BAHCC1: variants seen among roughly 807,000 people sequenced by gnomAD.
The protein encoded by BAHCC1 is BAH domain and coiled-coil containing 1.
BAHCC1 carries 43 observed loss-of-function variants against 88.2 expected under a neutral mutation model. That is an observed-to-expected ratio of 0.49 (90% confidence interval 0.38 to 0.63). The LOEUF is 0.63. BAHCC1 is among the 20% of genes least tolerant of loss of function. The probability of loss-of-function intolerance (pLI) is 0.00; values close to 1 mark genes in which losing one functional copy is unlikely to be tolerated. For synonymous variants in BAHCC1, 1,510 were observed against 745.5 expected (o/e 2.03, Z -16.71); for missense variants, 3,023 against 1,654.8 (o/e 1.83, Z -14.34).
rs1598522351 is a variant in BAHCC1, at chr17:81,464,819, C to T, written c.*1002C>T. Reference sequence around the variant, plus strand: ...GAGCAGGGAGGGGCTGGCCCCTCGCCCCCCTCACCCTCGCCGCCCTGGCAC... The same window carrying T: ...GAGCAGGGAGGGGCTGGCCCCTCGCTCCCCTCACCCTCGCCGCCCTGGCAC... On this transcript the variant is annotated 3_prime_UTR_variant, in exon 28 of 28. Coordinates refer to ENST00000675386, the MANE Select transcript of BAHCC1 (RefSeq NM_001377448.1). 1 of 152,524 alleles carries T rather than the reference C, an allele frequency of 6.6e-6. No homozygotes were observed. The highest frequency in any genetic ancestry group is 6.5e-5 in the Admixed American group (1 of 15,304). The allele number at this position is 152,524 out of a possible 1,614,324, so 9.4% of individuals were successfully genotyped here.
At position 81,411,266 on chromosome 17, in the gene BAHCC1, G is replaced by A. The variant is rs1454630550; in HGVS notation, c.178+11349G>A. The A allele has an allele frequency of 4.2e-5, 20 of 477,400 alleles. No homozygotes were observed. Among genetic ancestry groups the A allele is most frequent in the Non-Finnish European group, 6.3e-5 (15 of 239,668 alleles). The allele number at this position is 477,400 out of a possible 1,614,324, so 29.6% of individuals were successfully genotyped here. ...CCCCAGTTGAGCAGCTCCCCTTCTC[G>A]GCAGCTCCCAAACCCTGACCCCAGA... is the stretch of plus-strand genomic sequence containing the variant. On this transcript the variant is annotated intron_variant, in intron 2 of 27. Transcript: ENST00000675386. The surrounding 1 kb of genome is among the most constrained non-coding windows in gnomAD (Gnocchi z 6.2).
intron 11 of BAHCC1, among the ~76,000 whole-genome samples, chr17:81,450,564 T>C (rs2064614005): frequency 6.6e-6 from 1 of 152,128 alleles, no homozygotes; most frequent in African/African-American, 2.4e-5. Context: ...CCTCCTGACC[T>C]GTGTTCAGCC....
At chr17:81,454,133 G>A (rs1416033816) in intron 14 of BAHCC1, among the ~76,000 whole-genome samples, 1 of 152,196 alleles carries the variant, frequency 6.6e-6, no homozygotes, top group Non-Finnish European at 1.5e-5. Flanking sequence ...CCCCTGTCTA[G>A]CCAAGAACAG....
At chr17:81,438,693 G>T (rs1300072272) in intron 4 of BAHCC1, among the ~76,000 whole-genome samples, 2 of 152,138 alleles carry the variant, frequency 1.3e-5, no homozygotes, top group African/African-American at 4.8e-5. Flanking sequence ...ACCCCCAGGC[G>T]CAGGTTCAGT....
intron 2 of BAHCC1, chr17:81,413,098 C>T (rs1181527262): frequency 4.5e-6 from 2 of 445,548 alleles, no homozygotes; most frequent in Non-Finnish European, 9.0e-6. Context: ...ACACCAGGGT[C>T]CAGGGTTATC....
In BAHCC1 at chr17:81,452,838, G is replaced by A. The variant is rs782036680; in HGVS notation, c.4432G>A (p.Gly1478Ser). 1 of 745,956 alleles carries A rather than the reference G, an allele frequency of 1.3e-6. No homozygotes were observed. Among genetic ancestry groups the A allele is most frequent in the Non-Finnish European group, 2.5e-6 (1 of 404,358 alleles). 46.2% of individuals were successfully genotyped at this position (745,956 alleles called of 1,614,324 possible). A position where few individuals can be genotyped will look rare whatever the true frequency, so the allele number is the denominator to read the frequency against. The part of the protein sequence containing the change: ...RPTGPLPRSD[G>S]KKVKAVRTSL... ...CACGGGGCCGCTCCCCAGGAGCGAT[G>A]GCAAGAAAGTCAAGTGAGTCCTGGG... is the stretch of plus-strand genomic sequence containing the variant. Residue 1478 changes from glycine to serine, a missense_variant, in exon 14 of 28, where the codon GGC becomes AGC. Coordinates refer to ENST00000675386, the MANE Select transcript of BAHCC1 (RefSeq NM_001377448.1).
At chr17:81,449,647 G>T (rs553242623) in intron 11 of BAHCC1, among the ~76,000 whole-genome samples, 1 of 151,994 alleles carries the variant, frequency 6.6e-6, no homozygotes, top group African/African-American at 2.4e-5. Flanking sequence ...GTGCCTCCCC[G>T]GCTGCTGATG....
chr17:81,441,593 T>C (rs1181064457), intron 4 of BAHCC1, among the ~76,000 whole-genome samples: 10 of 128,578 alleles, frequency 7.8e-5, no homozygotes, highest in Non-Finnish European at 1.2e-4. Flanking sequence ...ACCCGGGAGG[T>C]GGAGCTTGCA....
intron 2 of BAHCC1, among the ~76,000 whole-genome samples, chr17:81,418,546 G>A (rs1052047582): frequency 6.6e-6 from 1 of 152,110 alleles, no homozygotes; most frequent in Non-Finnish European, 1.5e-5. Context: ...GACATGCCCC[G>A]ACCCAGGGCA....
In BAHCC1 at chr17:81,399,674, A is replaced by G. The variant is rs1297667068; in HGVS notation, c.-66A>G. 131 of 956,486 alleles carry G rather than the reference A, an allele frequency of 1.4e-4. 1 individual carries two copies. The African/African-American group carries it at 1.8e-3, about 13-fold the overall frequency. The allele number at this position is 956,486 out of a possible 1,614,324, so 59.2% of individuals were successfully genotyped here. On this transcript the variant is annotated 5_prime_UTR_variant, in exon 2 of 28. Transcript: ENST00000675386. This position sits in a 1 kb window ranked among gnomAD's most constrained non-coding sequence, Gnocchi z 4.5. ...CCGCCTCTGCGCCGCCCGCGCGCCG[A>G]GCCGCCCCCGGGCCCCGGCCGCGCT... is the stretch of plus-strand genomic sequence containing the variant.
chr17:81,441,688 AAAG>A (rs1555652538), intron 4 of BAHCC1, 140 bp from the exon 5 acceptor site: 27 of 431,298 alleles, frequency 6.3e-5, no homozygotes, highest in African/African-American at 4.3e-4. Context: ...AAAAAAAAAA[AAAG>A]AGCAAAAACC....
At chr17:81,423,179 C>T (rs371152007) in intron 2 of BAHCC1, among the ~76,000 whole-genome samples, 1 of 152,090 alleles carries the variant, frequency 6.6e-6, no homozygotes, top group South Asian at 2.1e-4. Flanking sequence ...TCACAGCCCA[C>T]GTCCCCCACC....
At chr17:81,441,676 AAAAAAAAAAAAAAAG>A (rs1339628759) in intron 4 of BAHCC1, among the ~76,000 whole-genome samples, 140 bp from the exon 5 acceptor site, 1 of 151,714 alleles carries the variant, frequency 6.6e-6, no homozygotes, top group African/African-American at 2.4e-5. Flanking sequence ...CTCAAAAAAA[AAAAAAAAAAAAAAAG>A]AGCAAAAACC....
intron 19 of BAHCC1, 25 bp from the exon 20 acceptor site, chr17:81,458,777 TGCACCCCACCC>T (rs2029968235): frequency 1.3e-6 from 1 of 757,546 alleles, no homozygotes; most frequent in Non-Finnish European, 2.5e-6. Context: ...GCACCCCGCC[TGCACCCCACCC>T]AAGCCTGACT....
rs77778439 is a variant in BAHCC1 at position 81,453,079 on chromosome 17, C to T, written c.4445+228C>T. Among the ~76,000 whole-genome samples the T allele has an allele frequency of 2.6e-3, 396 of 152,310 alleles. 2 individuals are homozygous for T. The highest frequency in any genetic ancestry group is 8.8e-3 in the African/African-American group (364 of 41,566). On this transcript the variant is annotated intron_variant, in intron 14 of 27. Coordinates refer to ENST00000675386, the MANE Select transcript of BAHCC1 (RefSeq NM_001377448.1). ...GGCAGCTCCCAGCACCACCCTGGCC[C>T]GGGTCCCCCTCTGGAAGTCACGGCC...
intron 4 of BAHCC1, among the ~76,000 whole-genome samples, chr17:81,440,204 G>A (rs2064391977): frequency 6.6e-6 from 1 of 152,214 alleles, no homozygotes; most frequent in South Asian, 2.1e-4. Flanking sequence ...GTCAGCCCCA[G>A]CGCGTGCAGT....
Position 81,463,643 on chromosome 17 carries a change from G to A in BAHCC1, c.7653G>A (p.Glu2551=). 2.6e-6 allele frequency: 2 copies of A among 779,724 alleles called. No homozygotes were observed. Among genetic ancestry groups the A allele is most frequent in the Non-Finnish European group, 4.8e-6 (2 of 417,902 alleles). 48.3% of individuals were successfully genotyped at this position (779,724 alleles called of 1,614,324 possible). The part of the protein sequence containing the change: ...NALYQSCHED[E]NDVQTISHKC... ...TGTACCAGTCCTGCCACGAGGATGA[G>A]AACGACGTGCAGACCATCTCCCACA... Residue 2551 remains glutamate, a synonymous_variant, in exon 28 of 28, where the codon GAG becomes GAA. Transcript: ENST00000675386.
intron 2 of BAHCC1, among the ~76,000 whole-genome samples, chr17:81,400,288 C>T (rs546965527): frequency 6.6e-6 from 1 of 152,336 alleles, no homozygotes; most frequent in South Asian, 2.1e-4. Flanking sequence ...GCTGGGACAA[C>T]GAGGCGCTTT....
chr17:81,419,772 C>A (rs1445112277), intron 2 of BAHCC1, among the ~76,000 whole-genome samples: 2 of 149,818 alleles, frequency 1.3e-5, no homozygotes, highest in African/African-American at 4.9e-5. Flanking sequence ...CTGGAGCTGC[C>A]GCCATCTCAA....
Sources: allele counts gnomAD v4.1 joint callset (sites outside exome capture counted in the v4.1 genomes callset), GRCh38; gene constraint gnomAD v4.1.1; non-coding constraint Gnocchi (gnomAD v3.1); transcripts MANE v1.5; gene names NCBI Gene and HGNC (gene_info 2026-07-23, HGNC 2026-07-21).